The following GNAQ variants were observed in gnomAD, a reference collection of about 807,000 sequenced individuals.
The protein encoded by GNAQ is G protein subunit alpha q.
A neutral mutation model predicts 43.9 loss-of-function variants in GNAQ; 8 were observed. The observed-to-expected ratio is 0.18, with a 90% CI of 0.11 to 0.33. GNAQ has a LOEUF of 0.33. Ranked by LOEUF, GNAQ falls within the 10% of genes least tolerant of loss-of-function variation. The pLI is 1.00. For missense variants in GNAQ, 158 were observed against 450.8 expected (o/e 0.35, Z 5.88); for synonymous variants, 155 against 170.7 (o/e 0.91, Z 0.71).
At chr9:78,013,709 G>A (rs900882562) in intron 1 of GNAQ, among the ~76,000 whole-genome samples, 2 of 152,126 alleles carry the variant, frequency 1.3e-5, no homozygotes, top group Admixed American at 6.5e-5. Context: ...GTTAATACAC[G>A]CAAATAAAAT....
intron 5 of GNAQ, among the ~76,000 whole-genome samples, chr9:77,742,925 C>G (rs940022796): frequency 1.3e-5 from 2 of 152,164 alleles, no homozygotes; most frequent in African/African-American, 4.8e-5. Flanking sequence ...GTCCCACAGT[C>G]ACCAGTACAG....
chr9:77,856,326 A>C (rs1827753711), intron 2 of GNAQ, among the ~76,000 whole-genome samples: 1 of 152,198 alleles, frequency 6.6e-6, no homozygotes, highest in Non-Finnish European at 1.5e-5. Flanking sequence ...TGAACATTTT[A>C]TATGCAAATG....
intron 1 of GNAQ, among the ~76,000 whole-genome samples, chr9:78,001,037 AC>A (rs1323432993): frequency 6.6e-6 from 1 of 152,142 alleles, no homozygotes. Flanking sequence ...AAGAAATTAA[AC>A]AAAGGCATTT....
rs540169152 is a variant in GNAQ at position 77,722,755 on chromosome 9, C to CAAGTGATCCTCTTGCCT, written c.890-1259_890-1243dup. 1.1e-4 allele frequency among the ~76,000 whole-genome samples: 16 copies of CAAGTGATCCTCTTGCCT among 148,620 alleles called. No homozygotes were observed. In the East Asian group the frequency reaches 3.3e-3, roughly 30 times the overall value. ...CACTGCAGCCTCAACCTTCTGGGTT[C>CAAGTGATCCTCTTGCCT]AAGTGATCCTCTTGCCTCAGCCTCC... On this transcript the variant is annotated intron_variant, in intron 6 of 6. Transcript: ENST00000286548.
chr9:77,838,066 T>G (rs1827420488), intron 2 of GNAQ, among the ~76,000 whole-genome samples: 1 of 151,122 alleles, frequency 6.6e-6, no homozygotes, highest in Non-Finnish European at 1.5e-5. Context: ...GTCAGGCTGG[T>G]CTTGAACTCC....
At chr9:78,030,979 G>A (rs1824049870) in intron 1 of GNAQ, 121 bp downstream of exon 1, 1 of 633,014 alleles carries the variant, frequency 1.6e-6, no homozygotes, top group Non-Finnish European at 2.3e-6. Context: ...GGGCGCGCCC[G>A]GGAGGGTAGG....
intron 2 of GNAQ, among the ~76,000 whole-genome samples, chr9:77,906,802 G>A (rs1828717048): frequency 6.6e-6 from 1 of 152,028 alleles, no homozygotes; most frequent in African/African-American, 2.4e-5. Context: ...AACCTCAATG[G>A]GGGTTTTCTC....
chr9:77,926,012 T>C (rs115831850), intron 1 of GNAQ, among the ~76,000 whole-genome samples: 343 of 152,352 alleles, frequency 2.3e-3, no homozygotes, highest in African/African-American at 7.6e-3. Context: ...TACTGTTGTA[T>C]TGTTTTTATG....
intron 2 of GNAQ, among the ~76,000 whole-genome samples, chr9:77,895,381 A>C (rs780549300): frequency 2.0e-5 from 3 of 152,178 alleles, no homozygotes; most frequent in African/African-American, 7.2e-5. Flanking sequence ...CCAAGATCAC[A>C]GCTAGTAAGT....
intron 1 of GNAQ, among the ~76,000 whole-genome samples, chr9:77,946,433 T>G (rs2118359861): frequency 6.6e-6 from 1 of 152,248 alleles, no homozygotes; most frequent in South Asian, 2.1e-4. Flanking sequence ...CCTCTTAAGA[T>G]TCCACATTTC....
chr9:77,882,187 T>C (rs1188708218), intron 2 of GNAQ, among the ~76,000 whole-genome samples: 1 of 152,214 alleles, frequency 6.6e-6, no homozygotes, highest in Non-Finnish European at 1.5e-5. Flanking sequence ...TATGAGTTTA[T>C]GGCCATAGCT....
intron 1 of GNAQ, among the ~76,000 whole-genome samples, chr9:77,946,010 C>T (rs1822889297): frequency 6.6e-6 from 1 of 152,182 alleles, no homozygotes; most frequent in Non-Finnish European, 1.5e-5. Context: ...TGCCTTGCTA[C>T]TTTAAGTGGA....
intron 2 of GNAQ, among the ~76,000 whole-genome samples, chr9:77,851,406 T>G (rs1827674597): frequency 6.6e-6 from 1 of 152,156 alleles, no homozygotes; most frequent in Non-Finnish European, 1.5e-5. Context: ...ATTATCTGCA[T>G]ATTCTGAGTA....
At chr9:77,968,339 T>A (rs1823194940) in intron 1 of GNAQ, among the ~76,000 whole-genome samples, 1 of 152,122 alleles carries the variant, frequency 6.6e-6, no homozygotes, top group Admixed American at 6.6e-5. Flanking sequence ...GCTAAATGAA[T>A]CAATAAATTC....
At chr9:77,821,469 C>T (rs1827111315) in intron 2 of GNAQ, among the ~76,000 whole-genome samples, 1 of 152,034 alleles carries the variant, frequency 6.6e-6, no homozygotes, top group South Asian at 2.1e-4. Context: ...CTTTGCTTAA[C>T]ATTTTCCTTT....
chr9:77,802,802 G>A (rs1274647459), intron 3 of GNAQ, among the ~76,000 whole-genome samples: 3 of 152,134 alleles, frequency 2.0e-5, no homozygotes, highest in Non-Finnish European at 4.4e-5. Context: ...AAGTGTCTAG[G>A]AGACAAGCTA....
chr9:77,747,137 T>A (rs560606959), intron 5 of GNAQ, among the ~76,000 whole-genome samples: 4 of 152,174 alleles, frequency 2.6e-5, no homozygotes, highest in Non-Finnish European at 4.4e-5. Flanking sequence ...GAGTTTTCAC[T>A]CTCTTCTGTA....
At chr9:77,731,636 G>A (rs1825490746) in intron 5 of GNAQ, among the ~76,000 whole-genome samples, 1 of 152,194 alleles carries the variant, frequency 6.6e-6, no homozygotes, top group Admixed American at 6.5e-5. Flanking sequence ...TGATTTGAAT[G>A]CACACTCAAC....
rs2118185919 is a variant in GNAQ at position 77,720,088 on chromosome 9, T to G, written c.*1235A>C. ...AAACCACACAGGATACTTTTTACAT[T>G]GCCGGTTTGGACACTGAACATGGGA... On this transcript the variant is annotated 3_prime_UTR_variant, in exon 7 of 7. Transcript: ENST00000286548. 1 of 232,870 alleles carries G rather than the reference T, an allele frequency of 4.3e-6. No individual in the cohort carries two copies. The highest frequency in any genetic ancestry group is 8.5e-6 in the Non-Finnish European group (1 of 117,802). 14.4% of individuals were successfully genotyped at this position (232,870 alleles called of 1,614,324 possible).
Sources: gnomAD v4.1 joint callset for allele counts (sites outside exome capture counted in the v4.1 genomes callset) on GRCh38, gnomAD v4.1.1 for gene constraint, MANE v1.5 for transcripts, NCBI Gene and HGNC (gene_info 2026-07-23, HGNC 2026-07-21) for gene names.